The following ZSWIM4 variants were observed in gnomAD, a reference collection of about 807,000 sequenced individuals.
The protein encoded by ZSWIM4 is zinc finger SWIM domain-containing protein 4.
ZSWIM4 carries 62 observed loss-of-function variants against 102.5 expected under a neutral mutation model. That is an observed-to-expected ratio of 0.60 (90% CI 0.49 to 0.75). ZSWIM4 has a LOEUF of 0.75. Ranked by LOEUF, ZSWIM4 falls within the 30% of genes least tolerant of loss-of-function variation. The probability of loss-of-function intolerance (pLI) is 0.00; values close to 1 mark genes in which losing one functional copy is unlikely to be tolerated. For missense variants in ZSWIM4, 1,280 were observed against 1,529.6 expected (o/e 0.84, Z 2.72); for synonymous variants, 652 against 674.5 (o/e 0.97, Z 0.52).
intron 7 of ZSWIM4, 135 bp downstream of exon 7, chr19:13,815,000 T>TAA: frequency 2.4e-5 from 8 of 338,808 alleles, no homozygotes; most frequent in South Asian, 4.1e-5. Flanking sequence ...CTACAAAAAT[T>TAA]AAAAAAAAAA....
At chr19:13,800,073 T>TTTTTTTTG in intron 2 of ZSWIM4, 152 bp downstream of exon 2, 1 of 724,832 alleles carries the variant, frequency 1.4e-6, no homozygotes, top group African/African-American at 2.2e-5. Context: ...AGATTTTTTT[T>TTTTTTTTG]TTTTTTTTTT....
Position 13,830,831 on chromosome 19 carries a change from C to G in ZSWIM4, c.3102C>G (p.Asp1034Glu). 6.2e-7 allele frequency: 1 copy of G among 1,609,116 alleles called. No individual in the cohort carries two copies. The highest frequency in any genetic ancestry group is 8.5e-7 in the Non-Finnish European group (1 of 1,176,866). Residue 1034 changes from aspartate to glutamate, a missense_variant, in exon 14 of 14, where the codon GAC becomes GAG. Coordinates refer to ENST00000590508, the MANE Select transcript of ZSWIM4 (RefSeq NM_001367834.3). ...ADRAPLCQLL[D>E]AAVTAYITTS... ...GGGCGCCGCTCTGCCAGCTCCTGGA[C>G]GCGGCAGTCACCGCCTACATCACCA...
chr19:13,817,400 G>A (rs768417611), intron 8 of ZSWIM4, 47 bp downstream of exon 8: 5 of 1,585,972 alleles, frequency 3.2e-6, no homozygotes, highest in South Asian at 2.3e-5. Context: ...ACCCCGCCTC[G>A]TTGGCCACGC....
At chr19:13,813,249 G>GGA in intron 6 of ZSWIM4, 85 bp downstream of exon 6, 1 of 1,153,366 alleles carries the variant, frequency 8.7e-7, no homozygotes. Flanking sequence ...CCTCTTCCCA[G>GGA]GAGAGAGAGG....
chr19:13,829,128 G>A (rs1439702606), intron 13 of ZSWIM4, among the ~76,000 whole-genome samples: 1 of 150,674 alleles, frequency 6.6e-6, no homozygotes, highest in East Asian at 2.0e-4. Context: ...GAGAGAGAGA[G>A]AGAGAAGCAA....
Position 13,831,064 on chromosome 19 carries a change from G to C in ZSWIM4, c.*14G>C. ...CGTTTTGGTTGAGGGACAGTGGGGTGCGTGGGAGTGGGGATCCCCCTCGCC... is the reference window on the plus strand; with the variant it reads ...CGTTTTGGTTGAGGGACAGTGGGGTCCGTGGGAGTGGGGATCCCCCTCGCC... On this transcript the variant is annotated 3_prime_UTR_variant, in exon 14 of 14. Transcript: ENST00000590508. The C allele has an allele frequency of 6.4e-7, 1 of 1,552,712 alleles. No individual in the cohort carries two copies. The highest frequency in any genetic ancestry group is 8.7e-7 in the Non-Finnish European group (1 of 1,153,620).
chr19:13,804,667 G>T (rs1443140540), intron 2 of ZSWIM4, 125 bp from the exon 3 acceptor site: 3 of 744,020 alleles, frequency 4.0e-6, no homozygotes, highest in Non-Finnish European at 6.6e-6. Flanking sequence ...AAAATGCAAA[G>T]TGAGTGAGGT....
At chr19:13,799,651 C>T (rs1974702348) in intron 1 of ZSWIM4, 69 bp from the exon 2 acceptor site, 1 of 1,501,412 alleles carries the variant, frequency 6.7e-7, no homozygotes, top group South Asian at 1.1e-5. Context: ...GCGATCCTCC[C>T]TCCTAAGCTT....
At chr19:13,801,422 A>G (rs1345938521) in intron 2 of ZSWIM4, among the ~76,000 whole-genome samples, 3 of 152,200 alleles carry the variant, frequency 2.0e-5, no homozygotes, top group Non-Finnish European at 4.4e-5. Context: ...AGGAGGCTCC[A>G]GACCTCGGGC....
In ZSWIM4 at chr19:13,814,245, C is replaced by T. The variant is rs1278988186; in HGVS notation, c.1181-270C>T. ...GTTAATTTTAGTAGAGATGGGGTGT[C>T]GCCATGTTGGCCAGGCTGGTCTCGA... On this transcript the variant is annotated intron_variant, in intron 6 of 13. Coordinates refer to ENST00000590508, the MANE Select transcript of ZSWIM4 (RefSeq NM_001367834.3). Among the ~76,000 whole-genome samples, 7 of 151,976 alleles carry T rather than the reference C, an allele frequency of 4.6e-5. No individual in the cohort carries two copies. The East Asian group carries it at 1.4e-3, about 30-fold the overall frequency.
rs1006566468 is a variant in ZSWIM4, at chr19:13,805,201, C to T, written c.712+53C>T. 13 of 1,465,464 alleles carry T rather than the reference C, an allele frequency of 8.9e-6. No individual in the cohort carries two copies. The African/African-American group carries it at 1.5e-4, about 17-fold the overall frequency. The allele number at this position is 1,465,464 out of a possible 1,614,324, so 90.8% of individuals were successfully genotyped here. On this transcript the variant is annotated intron_variant, in intron 3 of 13. Transcript: ENST00000590508. ...GAGAGGATGCCCAAGCGCACAGCCACGCCACTTGCTGTGTGCCCAGTGCTG... is the reference window on the plus strand; with the variant it reads ...GAGAGGATGCCCAAGCGCACAGCCATGCCACTTGCTGTGTGCCCAGTGCTG...
Position 13,830,646 on chromosome 19 carries a change from T to C in ZSWIM4, c.2917T>C (p.Ser973Pro). 1 of 1,601,596 alleles carries C rather than the reference T, an allele frequency of 6.2e-7. No individual in the cohort carries two copies. Among genetic ancestry groups the C allele is most frequent in the Non-Finnish European group, 8.5e-7 (1 of 1,179,768 alleles). Reference protein sequence around the residue: ...DVLWACSLSHSLGRHELSAIV... With the variant: ...DVLWACSLSHPLGRHELSAIV... ...GCTTTGGGCCTGCTCTCTCAGCCACTCCCTGGGCCGGCACGAGCTCTCTGC... is the reference window on the plus strand; with the variant it reads ...GCTTTGGGCCTGCTCTCTCAGCCACCCCCTGGGCCGGCACGAGCTCTCTGC... Residue 973 changes from serine (S) to proline (P), a missense_variant, in exon 14 of 14, where the codon TCC (serine) becomes CCC (proline). By Grantham distance (74) the Ser-to-Pro change is moderately conservative. Transcript: ENST00000590508.
intron 3 of ZSWIM4, among the ~76,000 whole-genome samples, chr19:13,806,812 C>T (rs1974931397): frequency 6.6e-6 from 1 of 151,810 alleles, no homozygotes. Flanking sequence ...ATGAAAGATC[C>T]AATGGGTACA....
intron 7 of ZSWIM4, chr19:13,815,455 A>ATT (rs1447166563): frequency 2.9e-5 from 3 of 104,674 alleles, no homozygotes; most frequent in Non-Finnish European, 5.7e-5. Flanking sequence ...CGTGCCTGGA[A>ATT]ATTTTTTTTT....
chr19:13,817,703 C>G lies in ZSWIM4; in HGVS notation c.1670-19C>G. ...GGAAGGGGATCCGTCTCCAGCAGCC[C>G]TGGCCCTGTCTCCCCCAGACTCAGG... On this transcript the variant is annotated intron_variant, in intron 8 of 13. Coordinates refer to ENST00000590508, the MANE Select transcript of ZSWIM4 (RefSeq NM_001367834.3). 1 of 1,606,656 alleles carries G rather than the reference C, an allele frequency of 6.2e-7. No individual in the cohort carries two copies. Among genetic ancestry groups the G allele is most frequent in the Non-Finnish European group, 8.5e-7 (1 of 1,177,500 alleles).
intron 3 of ZSWIM4, among the ~76,000 whole-genome samples, chr19:13,805,678 G>A (rs1974900388): frequency 6.6e-6 from 1 of 151,780 alleles, no homozygotes; most frequent in African/African-American, 2.4e-5. Flanking sequence ...GGTACAGAAA[G>A]TGTTCGTGAT....
Position 13,823,478 on chromosome 19 carries a change from C to T in ZSWIM4, c.2193C>T (p.Ser731=), listed in dbSNP as rs140251387. 8.2e-6 allele frequency: 13 copies of T among 1,583,842 alleles called. No homozygotes were observed. The African/African-American group carries it at 1.5e-4, about 18-fold the overall frequency. Residue 731 remains serine, a synonymous_variant, in exon 11 of 14, where the codon TCC becomes TCT. Coordinates refer to ENST00000590508, the MANE Select transcript of ZSWIM4 (RefSeq NM_001367834.3). The part of the protein sequence containing the change: ...HLETRQCELA[S]TMLTAAKGDP... ...AGACCCGCCAGTGTGAACTGGCTTCCACCATGTTGACGGCCGCCAAGGGTG... is the reference window on the plus strand; with the variant it reads ...AGACCCGCCAGTGTGAACTGGCTTCTACCATGTTGACGGCCGCCAAGGGTG...
At chr19:13,815,962 A>AAAGAG (rs1555714560) in intron 7 of ZSWIM4, among the ~76,000 whole-genome samples, 2 of 147,438 alleles carry the variant, frequency 1.4e-5, no homozygotes, top group African/African-American at 5.1e-5. Context: ...AAAAAAAAAA[A>AAAGAG]AGAGAGAGAG....
chr19:13,806,487 G>T (rs79340560), intron 3 of ZSWIM4, among the ~76,000 whole-genome samples: 2,724 of 152,032 alleles, frequency 0.018, 77 homozygotes, highest in African/African-American at 0.063. Flanking sequence ...GGCAAAATAG[G>T]GAGACCTCCT....
Sources: gnomAD v4.1 joint callset for allele counts (sites outside exome capture counted in the v4.1 genomes callset) on GRCh38, gnomAD v4.1.1 for gene constraint, MANE v1.5 for transcripts, NCBI Gene and HGNC (gene_info 2026-07-23, HGNC 2026-07-21) for gene names.